The following SAMM50 variants were observed in gnomAD, a reference collection of about 807,000 sequenced individuals.
SAMM50 encodes sorting and assembly machinery component 50 homolog.
In SAMM50, 47 loss-of-function variants were observed where a neutral mutation model predicts 66.9. That is an observed-to-expected ratio of 0.70 (90% CI 0.56 to 0.90). SAMM50 has a LOEUF of 0.90. SAMM50 is among the 40% of genes least tolerant of loss of function. The pLI, the probability that SAMM50 is intolerant of heterozygous loss-of-function variation, is 0.00. For missense variants in SAMM50, 535 were observed against 595.3 expected (o/e 0.90, Z 1.05); for synonymous variants, 191 against 214.1 (o/e 0.89, Z 0.94).
intron 4 of SAMM50, among the ~76,000 whole-genome samples, 167 bp from the exon 5 acceptor site, chr22:43,972,069 G>A (rs970286725): frequency 2.6e-5 from 4 of 152,066 alleles, no homozygotes; most frequent in Non-Finnish European, 4.4e-5. Flanking sequence ...GCAATATTTT[G>A]ATTTTGTGTG....
At chr22:43,989,877 T>C (rs2050313991) in intron 13 of SAMM50, among the ~76,000 whole-genome samples, 1 of 152,066 alleles carries the variant, frequency 6.6e-6, no homozygotes, top group African/African-American at 2.4e-5. Flanking sequence ...GGAGTTCAGG[T>C]CCAGAAGAGA....
At position 43,968,756 on chromosome 22, in the gene SAMM50, G is replaced by C; in HGVS notation, c.260G>C (p.Arg87Pro). The C allele has an allele frequency of 6.2e-7, 1 of 1,612,784 alleles. No homozygotes were observed. ...IEVMRKSHEA[R>P]EKLLRLGIFR... is the part of the protein sequence containing the mutation. Reference sequence around the variant, plus strand: ...GTAATGCGGAAATCTCATGAAGCCCGTGAAAAATTGCTCCGTCTTGGAATT... The same window carrying C: ...GTAATGCGGAAATCTCATGAAGCCCCTGAAAAATTGCTCCGTCTTGGAATT... The change falls in exon 4 of 15, where the codon CGT becomes CCT. Residue 87 changes from arginine to proline, a missense_variant. Coordinates refer to ENST00000350028, the MANE Select transcript of SAMM50 (RefSeq NM_015380.5).
At chr22:43,981,255 C>T in intron 10 of SAMM50, 136 bp from the exon 11 acceptor site, 4 of 682,398 alleles carry the variant, frequency 5.9e-6, no homozygotes, top group Non-Finnish European at 1.1e-5. Context: ...GCCAGGCATT[C>T]TCCTGCGGCC....
intron 14 of SAMM50, among the ~76,000 whole-genome samples, chr22:43,992,052 C>CTA (rs10656207): frequency 0.48 from 72,160 of 151,866 alleles, 17,881 homozygotes; most frequent in African/African-American, 0.62. Context: ...GCACCCCAGC[C>CTA]TGTTTTTTCT....
intron 10 of SAMM50, 35 bp downstream of exon 10, chr22:43,977,993 C>T (rs1258412925): frequency 7.2e-7 from 1 of 1,396,102 alleles, no homozygotes. Flanking sequence ...CCTGCACTGT[C>T]AGCCCTTACT....
chr22:43,961,989 T>G lies in SAMM50; in HGVS notation c.22-1297T>G, dbSNP rs139093726. Among the ~76,000 whole-genome samples, 216 of 152,242 alleles carry G rather than the reference T, an allele frequency of 1.4e-3. 1 individual carries two copies. The highest frequency in any genetic ancestry group is 4.9e-3 in the African/African-American group (202 of 41,534). ...TCCTAGGCTCAAGTGATTATGTGTG[T>G]GTGTGTGTGTCTGTGTGTGTGTGTG... is the stretch of plus-strand genomic sequence containing the variant. On this transcript the variant is annotated intron_variant, in intron 1 of 14. Coordinates refer to ENST00000350028, the MANE Select transcript of SAMM50 (RefSeq NM_015380.5).
chr22:43,963,187 C>A (rs564335964), intron 1 of SAMM50, 99 bp from the exon 2 acceptor site: 76 of 702,034 alleles, frequency 1.1e-4, no homozygotes, highest in Non-Finnish European at 1.3e-4. Context: ...GGAACAACTA[C>A]TGAATTTTCT....
At chr22:43,974,895 A>T (rs2050223287) in intron 7 of SAMM50, 2 of 152,212 alleles carry the variant, frequency 1.3e-5, no homozygotes, top group Admixed American at 1.3e-4. Flanking sequence ...TTCACAAGGA[A>T]TAGCAGAGAT....
intron 2 of SAMM50, 67 bp downstream of exon 2, chr22:43,963,463 GGA>G: frequency 1.0e-6 from 1 of 952,764 alleles, no homozygotes. Flanking sequence ...ACACCACTAG[GGA>G]GATGTAAAGG....
intron 7 of SAMM50, chr22:43,975,356 G>C (rs2050225780): frequency 6.6e-6 from 1 of 152,354 alleles, no homozygotes; most frequent in South Asian, 2.1e-4. Flanking sequence ...GACACCCCCT[G>C]GGGAGTATGG....
In SAMM50 at chr22:43,968,822, C is replaced by T. The variant is rs747874753; in HGVS notation, c.322+4C>T. On this transcript the variant is annotated splice_donor_region_variant and intron_variant, in intron 4 of 14. Transcript: ENST00000350028. ...GTTTTGATTGACACATGTCAAGGTACATATTGTGGTGTAGTATCTTTATAA... is the reference window on the plus strand; with the variant it reads ...GTTTTGATTGACACATGTCAAGGTATATATTGTGGTGTAGTATCTTTATAA... 1.1e-5 allele frequency: 18 copies of T among 1,595,192 alleles called. No homozygotes were observed. In the African/African-American group the frequency reaches 2.1e-4, roughly 19 times the overall value.
chr22:43,969,569 G>A (rs890243691), intron 4 of SAMM50, among the ~76,000 whole-genome samples: 1 of 152,216 alleles, frequency 6.6e-6, no homozygotes, highest in African/African-American at 2.4e-5. Context: ...GTAAGAGGCT[G>A]AGGGAGGAGA....
chr22:43,981,155 G>A (rs146481554), intron 10 of SAMM50, among the ~76,000 whole-genome samples: 23 of 152,364 alleles, frequency 1.5e-4, no homozygotes, highest in East Asian at 5.8e-4. Flanking sequence ...GGCCCTGCTC[G>A]CCTTCGGTGT....
At chr22:43,958,937 C>G (rs2050134145) in intron 1 of SAMM50, among the ~76,000 whole-genome samples, 1 of 152,040 alleles carries the variant, frequency 6.6e-6, no homozygotes, top group Admixed American at 6.6e-5. Context: ...CCATTTACCA[C>G]CTAGTACTCA....
At chr22:43,993,924 T>G (rs542749390) in intron 14 of SAMM50, among the ~76,000 whole-genome samples, 1 of 152,344 alleles carries the variant, frequency 6.6e-6, no homozygotes, top group Non-Finnish European at 1.5e-5. Flanking sequence ...GCAAGTGATT[T>G]GTGGCACCAC....
At chr22:43,975,269 G>GGGCCTGCTGGTGACCCACTTACCCCAT in intron 7 of SAMM50, 1 of 152,602 alleles carries the variant, frequency 6.6e-6, no homozygotes, top group South Asian at 2.1e-4. Flanking sequence ...GGAGTGTTCT[G>GGGCCTGCTGGTGACCCACTTACCCCAT]GGCCTGCTGG....
Position 43,984,044 on chromosome 22 carries a change from T to G in SAMM50, c.1075+44T>G, listed in dbSNP as rs1357049683. 2.6e-6 allele frequency: 4 copies of G among 1,554,070 alleles called. No individual in the cohort carries two copies. In the African/African-American group the frequency reaches 5.5e-5, roughly 22 times the overall value. ...CGGCGCCAAGTCTAGAAGGCTCGCG[T>G]CTCACTTTGGAAACCATGTACCTGT... is the stretch of plus-strand genomic sequence containing the variant. On this transcript the variant is annotated intron_variant, in intron 12 of 14. Transcript: ENST00000350028.
intron 8 of SAMM50, 51 bp downstream of exon 8, chr22:43,976,234 T>A (rs2050231196): frequency 1.9e-6 from 3 of 1,570,966 alleles, no homozygotes; most frequent in Non-Finnish European, 2.6e-6. Flanking sequence ...GGAACCATGC[T>A]ATGCATTGGG....
chr22:43,994,654 G>A (rs2050343298), intron 14 of SAMM50, among the ~76,000 whole-genome samples: 1 of 152,174 alleles, frequency 6.6e-6, no homozygotes, highest in Non-Finnish European at 1.5e-5. Flanking sequence ...CAGGAGCCCT[G>A]CACCAAGACA....
Sources: gnomAD v4.1 joint callset for allele counts (sites outside exome capture counted in the v4.1 genomes callset) on GRCh38, gnomAD v4.1.1 for gene constraint, MANE v1.5 for transcripts, NCBI Gene and HGNC (gene_info 2026-07-23, HGNC 2026-07-21) for gene names.